Variants in STK39 observed in about 807,000 individuals in gnomAD.
STK39 encodes the protein serine/threonine kinase 39, also known as STE20/SPS1-related proline-alanine-rich protein kinase.
In STK39, 20 loss-of-function variants were observed where a neutral mutation model predicts 77.8. That is an observed-to-expected ratio of 0.26 (90% CI 0.18 to 0.37). The LOEUF is 0.37. Among genes scored for constraint, STK39 ranks in the 10% least tolerant of loss-of-function variants. The pLI is 1.00. For missense variants in STK39, 479 were observed against 656.5 expected (o/e 0.73, Z 2.95); for synonymous variants, 246 against 234.1 (o/e 1.05, Z -0.47).
intron 16 of STK39, among the ~76,000 whole-genome samples, chr2:167,997,566 T>TA (rs1683879749): frequency 6.6e-6 from 1 of 152,200 alleles, no homozygotes; most frequent in South Asian, 2.1e-4. Flanking sequence ...CCAAGTCACA[T>TA]ATCTTCACTG....
intron 10 of STK39, among the ~76,000 whole-genome samples, chr2:168,123,177 T>C (rs1420357909): frequency 6.6e-6 from 1 of 152,214 alleles, no homozygotes; most frequent in African/African-American, 2.4e-5. Context: ...AACTGGCCTA[T>C]ACTCTTCAAA....
At chr2:168,197,876 A>G (rs1689511634) in intron 1 of STK39, among the ~76,000 whole-genome samples, 1 of 152,004 alleles carries the variant, frequency 6.6e-6, no homozygotes, top group South Asian at 2.1e-4. Flanking sequence ...TCTCTACTAA[A>G]AATACAAAAA....
intron 14 of STK39, among the ~76,000 whole-genome samples, chr2:168,061,928 G>A (rs888250132): frequency 6.6e-6 from 1 of 152,100 alleles, no homozygotes; most frequent in Middle Eastern, 3.2e-3. Context: ...TTGCACTAAG[G>A]GGGAGAATTA....
At chr2:168,173,221 A>C (rs2105610557) in intron 2 of STK39, among the ~76,000 whole-genome samples, 1 of 152,330 alleles carries the variant, frequency 6.6e-6, no homozygotes, top group Middle Eastern at 3.4e-3. Flanking sequence ...AGATGACCAA[A>C]TACATCTGTA....
chr2:168,183,825 C>A (rs1689141984), intron 1 of STK39, among the ~76,000 whole-genome samples: 1 of 152,198 alleles, frequency 6.6e-6, no homozygotes, highest in Non-Finnish European at 1.5e-5. Context: ...TGGGTTCAAT[C>A]CAGAATGGTC....
chr2:168,193,433 T>C (rs1689389789), intron 1 of STK39, among the ~76,000 whole-genome samples: 1 of 152,146 alleles, frequency 6.6e-6, no homozygotes, highest in African/African-American at 2.4e-5. Context: ...CAGTGAAAAG[T>C]AGTGTCTTGG....
intron 16 of STK39, among the ~76,000 whole-genome samples, chr2:168,001,053 T>C (rs1683986913): frequency 1.3e-5 from 2 of 152,166 alleles, no homozygotes; most frequent in Admixed American, 1.3e-4. Flanking sequence ...CCTAAAGCTG[T>C]TCAGATGGTT....
chr2:168,195,043 A>G (rs1312904169), intron 1 of STK39, among the ~76,000 whole-genome samples: 2 of 152,170 alleles, frequency 1.3e-5, no homozygotes, highest in Admixed American at 6.5e-5. Context: ...GGCTGATTAG[A>G]TTGATAAGTA....
At chr2:168,176,154 C>A (rs1222969130) in intron 2 of STK39, among the ~76,000 whole-genome samples, 3 of 152,088 alleles carry the variant, frequency 2.0e-5, no homozygotes, top group Non-Finnish European at 4.4e-5. Context: ...CACACACATA[C>A]AAAATTATAC....
intron 13 of STK39, 126 bp from the exon 14 acceptor site, chr2:168,063,696 G>C: frequency 1.3e-6 from 1 of 772,290 alleles, no homozygotes; most frequent in Non-Finnish European, 2.1e-6. Context: ...CTTTACACAC[G>C]CAGGCCTTCT....
rs1193564641 is a variant in STK39 at position 168,040,470 on chromosome 2, T to C, written c.1376+23030A>G. On this transcript the variant is annotated intron_variant, in intron 14 of 17. Transcript: ENST00000355999. ...CGCTAAGTTCTCAAGTGTAATCTTCTTCATGTGGATGAAAAATGTAATACA... is the reference window on the plus strand; with the variant it reads ...CGCTAAGTTCTCAAGTGTAATCTTCCTCATGTGGATGAAAAATGTAATACA... Among the ~76,000 whole-genome samples, 4 of 152,200 alleles carry C rather than the reference T, an allele frequency of 2.6e-5. No homozygotes were observed. The East Asian group carries it at 7.7e-4, about 29-fold the overall frequency.
At chr2:168,053,033 T>C (rs957281720) in intron 14 of STK39, among the ~76,000 whole-genome samples, 1 of 152,222 alleles carries the variant, frequency 6.6e-6, no homozygotes, top group African/African-American at 2.4e-5. Flanking sequence ...TACTCAGTTC[T>C]GTATCTTCAG....
rs78187934 is a variant in STK39 at position 168,011,722 on chromosome 2, C to T, written c.1498+912G>A. ...TATGTTGAGCAGGCTCCCCTATCTC[C>T]GTGCAGCTATCTTATGATTCTAAAG... On this transcript the variant is annotated intron_variant, in intron 16 of 17. Coordinates refer to ENST00000355999, the MANE Select transcript of STK39 (RefSeq NM_013233.3). Among the ~76,000 whole-genome samples the T allele has an allele frequency of 7.5e-3, 1,139 of 152,220 alleles. 7 individuals carry two copies. Among genetic ancestry groups the T allele is most frequent in the Middle Eastern group, 0.034 (10 of 294 alleles).
At chr2:168,058,557 T>C (rs980854081) in intron 14 of STK39, among the ~76,000 whole-genome samples, 5 of 152,192 alleles carry the variant, frequency 3.3e-5, no homozygotes, top group African/African-American at 7.2e-5. Context: ...ACCTGATACA[T>C]CCTCACAGAC....
At chr2:168,118,956 C>A (rs1217080185) in intron 10 of STK39, among the ~76,000 whole-genome samples, 7 of 152,184 alleles carry the variant, frequency 4.6e-5, no homozygotes, top group Non-Finnish European at 1.0e-4. Context: ...TGAGCTCACA[C>A]TCTGTGAACG....
intron 10 of STK39, among the ~76,000 whole-genome samples, chr2:168,110,013 C>T (rs934140288): frequency 2.0e-5 from 3 of 152,096 alleles, no homozygotes; most frequent in African/African-American, 7.2e-5. Flanking sequence ...TAACGGTATC[C>T]TCTGATAAAC....
At position 168,012,722 on chromosome 2, in the gene STK39, A is replaced by C. The variant is rs199944127; in HGVS notation, c.1430-20T>G. ...CTGTATCTGTCCAAATGTGAAATGA[A>C]TATGTATTAGTAACCATAACATAAA... On this transcript the variant is annotated intron_variant, in intron 15 of 17. Coordinates refer to ENST00000355999, the MANE Select transcript of STK39 (RefSeq NM_013233.3). The C allele has an allele frequency of 2.5e-6, 4 of 1,604,892 alleles. No homozygotes were observed. The East Asian group carries it at 9.0e-5, about 36-fold the overall frequency.
At position 168,063,516 on chromosome 2, in the gene STK39, G is replaced by C. The variant is rs1559079429; in HGVS notation, c.1360C>G (p.Leu454Val). 1 of 1,612,828 alleles carries C rather than the reference G, an allele frequency of 6.2e-7. No individual in the cohort carries two copies. Among genetic ancestry groups the C allele is most frequent in the East Asian group, 2.2e-5 (1 of 44,842 alleles). Residue 454 changes from leucine to valine, a missense_variant, in exon 14 of 18, where the codon CTC becomes GTC. Coordinates refer to ENST00000355999, the MANE Select transcript of STK39 (RefSeq NM_013233.3). ...ATTATTTACCTTAATCTCAAAACGA[G>C]GTTCACGGCACAAGAAGAAGCTTCT... ...YREASSCAVN[L>V]VLRLRNSRKE...
intron 1 of STK39, among the ~76,000 whole-genome samples, chr2:168,207,292 T>C (rs1419393203): frequency 3.9e-5 from 6 of 152,226 alleles, no homozygotes; most frequent in Admixed American, 2.6e-4. Flanking sequence ...CTGAGAAACA[T>C]ACACACACCC....
Sources: gnomAD v4.1 joint callset for allele counts (sites outside exome capture counted in the v4.1 genomes callset) on GRCh38, gnomAD v4.1.1 for gene constraint, MANE v1.5 for transcripts, NCBI Gene and HGNC (gene_info 2026-07-23, HGNC 2026-07-21) for gene names.